The following FHIT variants were observed in gnomAD, a reference collection of about 807,000 sequenced individuals.
The protein encoded by FHIT is bis(5'-adenosyl)-triphosphatase.
FHIT carries 19 observed loss-of-function variants against 17.9 expected under a neutral mutation model. The observed-to-expected ratio is 1.06, with a 90% CI of 0.74 to 1.56. FHIT has a LOEUF of 1.56. Ranked by LOEUF, FHIT falls within the 40% of genes most tolerant of loss-of-function variation. FHIT has a pLI of 0.00. For synonymous variants in FHIT, 81 were observed against 69.7 expected (o/e 1.16, Z -0.81); for missense variants, 248 against 189.2 (o/e 1.31, Z -1.82).
At chr3:59,947,477 C>A (rs774510779) in intron 7 of FHIT, among the ~76,000 whole-genome samples, 2 of 152,012 alleles carry the variant, frequency 1.3e-5, no homozygotes, top group Non-Finnish European at 2.9e-5. Context: ...TTTTGTTGAT[C>A]TTTTGTATGG....
At chr3:60,619,258 G>A (rs1002438539) in intron 4 of FHIT, among the ~76,000 whole-genome samples, 32 of 151,974 alleles carry the variant, frequency 2.1e-4, no homozygotes, top group South Asian at 6.2e-4. Flanking sequence ...TTAAATGTGC[G>A]CATAAAAAAC....
Position 60,901,094 on chromosome 3 carries a change from A to G in FHIT, c.-110-79083T>C, listed in dbSNP as rs185794843. Among the ~76,000 whole-genome samples the G allele has an allele frequency of 3.2e-4, 49 of 152,344 alleles. No individual in the cohort carries two copies. In the South Asian group the frequency reaches 9.7e-3, roughly 30 times the overall value. ...TTTGACATTCTCTTATCACCTAGTG[A>G]CAATCATAAATGATTTTTAATTAAA... is the stretch of plus-strand genomic sequence containing the variant. On this transcript the variant is annotated intron_variant, in intron 3 of 9. Coordinates refer to ENST00000492590, the MANE Select transcript of FHIT (RefSeq NM_002012.4).
In FHIT at chr3:60,536,911, T is replaced by A; in HGVS notation, c.52A>T (p.Lys18Ter). 1 of 1,613,576 alleles carries A rather than the reference T, an allele frequency of 6.2e-7. No individual in the cohort carries two copies. Among genetic ancestry groups the A allele is most frequent in the South Asian group, 1.1e-5 (1 of 91,004 alleles). The change falls in exon 5 of 10, where the codon AAA becomes TAA. Residue 18 changes from lysine to a stop codon, truncating the protein, a stop_gained. Transcript: ENST00000492590. LOFTEE classifies it high-confidence loss of function. Reference protein sequence around the residue: ...HLIKPSVVFLKTELSFALVNR... With the variant: ...HLIKPSVVFL ...ACAAGAGCGAAGGACAGTTCTGTTTTGAGAAACACTACAGAGGGCTTGATG... is the reference window on the plus strand; with the variant it reads ...ACAAGAGCGAAGGACAGTTCTGTTTAGAGAAACACTACAGAGGGCTTGATG...
At chr3:59,885,296 A>C (rs767812019) in intron 8 of FHIT, among the ~76,000 whole-genome samples, 2 of 143,506 alleles carry the variant, frequency 1.4e-5, no homozygotes, top group African/African-American at 2.5e-5. Context: ...AATATTGCTG[A>C]AGAAACAGGA....
Position 60,889,791 on chromosome 3 carries a change from A to G in FHIT, c.-110-67780T>C, listed in dbSNP as rs569887588. Among the ~76,000 whole-genome samples, 47 of 152,332 alleles carry G rather than the reference A, an allele frequency of 3.1e-4. No homozygotes were observed. In the East Asian group the frequency reaches 5.0e-3, roughly 16 times the overall value. On this transcript the variant is annotated intron_variant, in intron 3 of 9. Transcript: ENST00000492590. ...AATCAAAGCCAGGAATCAAAAGAAG[A>G]GGCAAATTGGGTTAATATGATTCAA... is the stretch of plus-strand genomic sequence containing the variant.
At chr3:61,002,552 A>G (rs1479593380) in intron 3 of FHIT, among the ~76,000 whole-genome samples, 2 of 152,148 alleles carry the variant, frequency 1.3e-5, no homozygotes, top group African/African-American at 4.8e-5. Context: ...CATGAGCCAC[A>G]GGCATTAGCC....
At chr3:60,590,065 C>T (rs2038034928) in intron 4 of FHIT, among the ~76,000 whole-genome samples, 1 of 152,016 alleles carries the variant, frequency 6.6e-6, no homozygotes, top group Non-Finnish European at 1.5e-5. Context: ...TTTAATTTTA[C>T]TCTTCCAAGT....
chr3:60,483,034 G>A (rs1031577748), intron 5 of FHIT, among the ~76,000 whole-genome samples: 5 of 152,072 alleles, frequency 3.3e-5, no homozygotes, highest in African/African-American at 1.2e-4. Flanking sequence ...ACTACCATAA[G>A]TGAATACTAT....
intron 5 of FHIT, among the ~76,000 whole-genome samples, chr3:60,283,435 CCTT>C (rs1707562949): frequency 1.3e-5 from 2 of 151,892 alleles, no homozygotes; most frequent in Non-Finnish European, 1.5e-5. Flanking sequence ...TAACATTTAT[CCTT>C]CTAAAATATG....
chr3:59,760,823 T>C (rs1174610328), intron 8 of FHIT, among the ~76,000 whole-genome samples: 2 of 143,652 alleles, frequency 1.4e-5, no homozygotes, highest in African/African-American at 2.8e-5. Flanking sequence ...TGGCCACCAT[T>C]TAGAGGTAAT....
chr3:61,170,656 A>G (rs2037976172), intron 2 of FHIT, among the ~76,000 whole-genome samples: 1 of 152,204 alleles, frequency 6.6e-6, no homozygotes, highest in Non-Finnish European at 1.5e-5. Flanking sequence ...TAGTTTGCTA[A>G]GGATAATGGC....
At chr3:60,013,404 G>C (rs942818569) in intron 6 of FHIT, among the ~76,000 whole-genome samples, 4 of 152,136 alleles carry the variant, frequency 2.6e-5, no homozygotes, top group Non-Finnish European at 5.9e-5. Context: ...TGTTACTACG[G>C]ATTTACTCAA....
At chr3:60,002,413 G>A (rs1039581470) in intron 7 of FHIT, among the ~76,000 whole-genome samples, 3 of 152,088 alleles carry the variant, frequency 2.0e-5, no homozygotes, top group Admixed American at 2.0e-4. Flanking sequence ...GTGAACAAGA[G>A]GCTTCTTTGG....
intron 5 of FHIT, among the ~76,000 whole-genome samples, chr3:60,014,815 G>C (rs1250122099): frequency 3.3e-5 from 5 of 152,030 alleles, no homozygotes; most frequent in Admixed American, 3.3e-4. Flanking sequence ...ATGAACGAAA[G>C]GTTGTCTGTT....
chr3:59,897,132 T>C (rs1471848886), intron 8 of FHIT, among the ~76,000 whole-genome samples: 2 of 152,232 alleles, frequency 1.3e-5, no homozygotes, highest in Admixed American at 6.5e-5. Context: ...TTGGGGTATC[T>C]GTGTCCTTAT....
intron 4 of FHIT, among the ~76,000 whole-genome samples, chr3:60,638,857 T>G (rs975004887): frequency 1.4e-4 from 21 of 151,580 alleles, no homozygotes; most frequent in African/African-American, 4.6e-4. Flanking sequence ...AACAAACAAA[T>G]GTCATTTTAA....
intron 9 of FHIT, chr3:59,749,913 T>C (rs1272882834): frequency 8.9e-6 from 2 of 225,392 alleles, no homozygotes; most frequent in African/African-American, 4.4e-5. Context: ...CCTCACAACC[T>C]ATATTATCCG....
intron 8 of FHIT, among the ~76,000 whole-genome samples, chr3:59,904,396 T>A (rs889055345): frequency 6.6e-6 from 1 of 151,522 alleles, no homozygotes; most frequent in African/African-American, 2.4e-5. Context: ...CAATTTGAAG[T>A]TGCATCAAAA....
At chr3:60,147,954 T>G (rs1196267445) in intron 5 of FHIT, among the ~76,000 whole-genome samples, 3 of 152,202 alleles carry the variant, frequency 2.0e-5, no homozygotes, top group Non-Finnish European at 4.4e-5. Flanking sequence ...TGAAATCAAT[T>G]ATCACTAAGT....
Sources: allele counts gnomAD v4.1 joint callset (sites outside exome capture counted in the v4.1 genomes callset), GRCh38; gene constraint gnomAD v4.1.1; transcripts MANE v1.5; gene names NCBI Gene and HGNC (gene_info 2026-07-23, HGNC 2026-07-21).